The following CEP135 variants were observed in gnomAD, a reference collection of about 807,000 sequenced individuals.
CEP135 encodes centrosomal protein of 135 kDa.
A neutral mutation model predicts 157.3 loss-of-function variants in CEP135; 142 were observed. The ratio of observed to expected loss-of-function variants is 0.90; its 90% CI spans 0.79 to 1.04. The LOEUF (loss-of-function observed/expected upper bound fraction) is 1.04. Ranked by LOEUF, CEP135 falls within the 50% of genes least tolerant of loss-of-function variation. The pLI is 0.00. For synonymous variants in CEP135, 396 were observed against 439.8 expected (o/e 0.90, Z 1.25); for missense variants, 1,317 against 1,309.2 (o/e 1.01, Z -0.09).
intron 14 of CEP135, among the ~76,000 whole-genome samples, chr4:55,985,621 AT>A (rs1034920487): frequency 2.1e-4 from 32 of 151,550 alleles, no homozygotes; most frequent in Middle Eastern, 3.4e-3. Flanking sequence ...TGCCCGGCTA[AT>A]TTTTTTTGTA....
chr4:55,982,376 T>C (rs1471407068), intron 13 of CEP135, among the ~76,000 whole-genome samples: 1 of 152,184 alleles, frequency 6.6e-6, no homozygotes, highest in Non-Finnish European at 1.5e-5. Flanking sequence ...AGCCAAGCTG[T>C]TTTTATTCCC....
At chr4:56,019,706 C>T (rs1330596440) in intron 23 of CEP135, 151 bp downstream of exon 23, 15 of 580,022 alleles carry the variant, frequency 2.6e-5, no homozygotes, top group South Asian at 1.7e-4. Context: ...GAGGCCAAGG[C>T]GGGTAGATTG....
At chr4:55,964,505 G>A in intron 7 of CEP135, 103 bp downstream of exon 7, 1 of 847,410 alleles carries the variant, frequency 1.2e-6, no homozygotes, top group Non-Finnish European at 1.7e-6. Context: ...GGCAGGAGTT[G>A]TTCACTGAGG....
chr4:55,994,394 A>G (rs1237662556), intron 15 of CEP135, among the ~76,000 whole-genome samples: 2 of 152,162 alleles, frequency 1.3e-5, no homozygotes, highest in East Asian at 1.9e-4. Flanking sequence ...AAAAAATACA[A>G]AAGTCAACCA....
At chr4:55,984,772 T>A (rs895668015) in intron 13 of CEP135, among the ~76,000 whole-genome samples, 3 of 152,220 alleles carry the variant, frequency 2.0e-5, no homozygotes, top group Non-Finnish European at 2.9e-5. Flanking sequence ...GTAAGTTGGA[T>A]AAAGTAATGT....
chr4:55,964,409 G>A lies in CEP135; in HGVS notation c.828+7G>A, dbSNP rs369023405. 2.5e-6 allele frequency: 4 copies of A among 1,587,332 alleles called. No individual in the cohort carries two copies. The African/African-American group carries it at 4.1e-5, about 16-fold the overall frequency. On this transcript the variant is annotated splice_region_variant and intron_variant, in intron 7 of 25. Coordinates refer to ENST00000257287, the MANE Select transcript of CEP135 (RefSeq NM_025009.5). ...TGCTCATTTAAATATTCAGGTAATG[G>A]CTTTTATAATTATTTCACTGAGTGT...
At chr4:56,014,947 C>T (rs1560423137) in intron 21 of CEP135, among the ~76,000 whole-genome samples, 3 of 152,042 alleles carry the variant, frequency 2.0e-5, no homozygotes, top group Admixed American at 2.0e-4. Flanking sequence ...GTAGTCCCAG[C>T]TACTTGGGGG....
chr4:55,985,981 C>T (rs1304142506), intron 14 of CEP135, among the ~76,000 whole-genome samples: 24 of 152,090 alleles, frequency 1.6e-4, no homozygotes, highest in Non-Finnish European at 7.4e-5. Context: ...AGCTGTATAA[C>T]AGCAGTTAGG....
chr4:56,012,063 A>ATT, intron 21 of CEP135, 78 bp downstream of exon 21: 1 of 964,876 alleles, frequency 1.0e-6, no homozygotes, highest in Non-Finnish European at 1.4e-6. Flanking sequence ...TTATTTATTT[A>ATT]TTTATTTTTT....
chr4:55,996,480 A>C (rs1306615973), intron 15 of CEP135, among the ~76,000 whole-genome samples: 1 of 152,162 alleles, frequency 6.6e-6, no homozygotes, highest in Non-Finnish European at 1.5e-5. Flanking sequence ...CAGAGCCCTG[A>C]GTGAGGATGG....
At chr4:56,030,421 T>C (rs907205842) in intron 25 of CEP135, among the ~76,000 whole-genome samples, 2 of 152,182 alleles carry the variant, frequency 1.3e-5, no homozygotes, top group African/African-American at 4.8e-5. Context: ...ATGGAACATA[T>C]GACCATATTT....
At chr4:56,004,163 G>T (rs988751006) in intron 17 of CEP135, among the ~76,000 whole-genome samples, 6 of 151,674 alleles carry the variant, frequency 4.0e-5, no homozygotes, top group East Asian at 1.9e-4. Flanking sequence ...TTTCTTCATT[G>T]ACCCATTGGT....
intron 25 of CEP135, among the ~76,000 whole-genome samples, chr4:56,025,151 C>T (rs1008719665): frequency 3.9e-5 from 6 of 152,032 alleles, no homozygotes; most frequent in Admixed American, 1.3e-4. Context: ...AAGCAAGCAG[C>T]TATCTCCAAA....
intron 13 of CEP135, among the ~76,000 whole-genome samples, chr4:55,982,592 G>C (rs1384114413): frequency 6.6e-6 from 1 of 152,090 alleles, no homozygotes; most frequent in Non-Finnish European, 1.5e-5. Context: ...CATCTGTTCA[G>C]ATTCGTTGCC....
In CEP135 at chr4:55,992,757, T is replaced by C. The variant is rs555859228; in HGVS notation, c.2009+672T>C. ...AATCAAAAGGTTTAGATGACTAATA[T>C]GGGGCTGAGAAATACGATAAGTAGA... On this transcript the variant is annotated intron_variant, in intron 15 of 25. Coordinates refer to ENST00000257287, the MANE Select transcript of CEP135 (RefSeq NM_025009.5). 3.3e-5 allele frequency among the ~76,000 whole-genome samples: 5 copies of C among 152,278 alleles called. 1 individual carries two copies. The highest frequency in any genetic ancestry group is 9.6e-5 in the African/African-American group (4 of 41,562).
At chr4:55,950,350 T>C (rs1462989948) in intron 1 of CEP135, among the ~76,000 whole-genome samples, 1 of 152,216 alleles carries the variant, frequency 6.6e-6, no homozygotes, top group Non-Finnish European at 1.5e-5. Flanking sequence ...GACTTTTACA[T>C]GTATGCTCAT....
intron 15 of CEP135, 57 bp from the exon 16 acceptor site, chr4:55,999,245 A>G (rs1310361105): frequency 2.5e-5 from 33 of 1,302,792 alleles, no homozygotes; most frequent in Non-Finnish European, 3.3e-5. Flanking sequence ...TCATTTTTTA[A>G]ACGTATTTCT....
At chr4:56,008,760 GTC>G (rs1399569677) in intron 18 of CEP135, among the ~76,000 whole-genome samples, 6 of 152,074 alleles carry the variant, frequency 3.9e-5, no homozygotes, top group Admixed American at 3.9e-4. Flanking sequence ...TTTATGTATA[GTC>G]TCTCTAGGCA....
rs182354353 is a variant in CEP135 at position 55,992,889 on chromosome 4, G to A, written c.2009+804G>A. Among the ~76,000 whole-genome samples, 18 of 152,276 alleles carry A rather than the reference G, an allele frequency of 1.2e-4. No individual in the cohort carries two copies. The East Asian group carries it at 2.7e-3, about 23-fold the overall frequency. On this transcript the variant is annotated intron_variant, in intron 15 of 25. Transcript: ENST00000257287. Reference sequence around the variant, plus strand: ...CAAAGCTTTTTTTCTGATCAGAGTAGCTGCAATAAGTAACAAGATAATGAA... The same window carrying A: ...CAAAGCTTTTTTTCTGATCAGAGTAACTGCAATAAGTAACAAGATAATGAA...
Sources: allele counts gnomAD v4.1 joint callset (sites outside exome capture counted in the v4.1 genomes callset), GRCh38; gene constraint gnomAD v4.1.1; transcripts MANE v1.5; gene names NCBI Gene and HGNC (gene_info 2026-07-23, HGNC 2026-07-21).